Variants in IPO8 observed in about 807,000 individuals in gnomAD.
IPO8 encodes importin 8, also known as importin-8.
IPO8 carries 65 observed loss-of-function variants against 141.2 expected under a neutral mutation model. That is an observed-to-expected ratio of 0.46 (90% CI 0.38 to 0.57). The LOEUF (loss-of-function observed/expected upper bound fraction) is 0.57, where lower values mean the gene tolerates loss of function less well. Among genes scored for constraint, IPO8 ranks in the 20% least tolerant of loss-of-function variants. IPO8 has a pLI of 0.00. For missense variants in IPO8, 980 were observed against 1,246.8 expected (o/e 0.79, Z 3.22); for synonymous variants, 411 against 420.3 (o/e 0.98, Z 0.27).
In IPO8 at chr12:30,662,319, G is replaced by A. The variant is rs776557252; in HGVS notation, c.1755+8C>T. 97 of 1,604,986 alleles carry A rather than the reference G, an allele frequency of 6.0e-5. No homozygotes were observed. Among genetic ancestry groups the A allele is most frequent in the Middle Eastern group, 5.0e-4 (3 of 6,022 alleles). On this transcript the variant is annotated splice_region_variant and intron_variant, in intron 15 of 24. Coordinates refer to ENST00000256079, the MANE Select transcript of IPO8 (RefSeq NM_006390.4). ...AAACCAAATTAACATAAAACTGCCC[G>A]GTCTTACCAAGTGTTGGGTCATATC...
intron 2 of IPO8, chr12:30,688,495 AG>A (rs1198692047): frequency 1.6e-5 from 6 of 378,192 alleles, no homozygotes; most frequent in African/African-American, 1.3e-4. Context: ...TTTCTTTTAA[AG>A]CAAAAATCAC....
intron 16 of IPO8, among the ~76,000 whole-genome samples, chr12:30,658,133 G>A (rs1223455773): frequency 6.6e-6 from 1 of 152,218 alleles, no homozygotes; most frequent in Admixed American, 6.5e-5. Context: ...TTAAACTACT[G>A]TCTTAAGGTT....
At chr12:30,680,913 A>G (rs1591843451) in intron 4 of IPO8, among the ~76,000 whole-genome samples, 1 of 152,160 alleles carries the variant, frequency 6.6e-6, no homozygotes, top group Non-Finnish European at 1.5e-5. Flanking sequence ...GAATGTTTCT[A>G]GTATTTAAAT....
intron 20 of IPO8, among the ~76,000 whole-genome samples, chr12:30,642,754 G>C (rs552640246): frequency 6.6e-6 from 1 of 151,934 alleles, no homozygotes; most frequent in Admixed American, 6.6e-5. Context: ...CATTTCCCAG[G>C]CTAGGACGAG....
At chr12:30,680,752 C>T (rs1368527555) in intron 4 of IPO8, 114 bp from the exon 5 acceptor site, 2 of 809,460 alleles carry the variant, frequency 2.5e-6, no homozygotes, top group Non-Finnish European at 3.7e-6. Context: ...AAGTCATTAA[C>T]ATTGGCTTCT....
intron 17 of IPO8, among the ~76,000 whole-genome samples, chr12:30,655,015 C>T (rs754933310): frequency 1.3e-5 from 2 of 151,234 alleles, no homozygotes; most frequent in African/African-American, 2.4e-5. Context: ...AGTACCAGTC[C>T]ACCTTAAAAA....
At chr12:30,674,607 TGATACTGA>T in intron 7 of IPO8, 44 bp downstream of exon 7, 1 of 1,281,902 alleles carries the variant, frequency 7.8e-7, no homozygotes, top group Non-Finnish European at 1.1e-6. Flanking sequence ...TAATCATATC[TGATACTGA>T]GATACTGGCT....
rs150831235 is a variant in IPO8 at position 30,673,908 on chromosome 12, T to C, written c.909+82A>G. 2,165 of 782,418 alleles carry C rather than the reference T, an allele frequency of 2.8e-3. 35 individuals carry two copies. The African/African-American group carries it at 0.033, about 12-fold the overall frequency. 48.5% of individuals were successfully genotyped at this position (782,418 alleles called of 1,614,324 possible). On this transcript the variant is annotated intron_variant, in intron 8 of 24. Coordinates refer to ENST00000256079, the MANE Select transcript of IPO8 (RefSeq NM_006390.4). ...ATAAATATGTAATGAATTAGTATGT[T>C]TGTAACCTACTTCCAGTAGACAGAA...
At chr12:30,684,027 T>C (rs1447997919) in intron 3 of IPO8, among the ~76,000 whole-genome samples, 3 of 152,226 alleles carry the variant, frequency 2.0e-5, no homozygotes, top group Non-Finnish European at 4.4e-5. Flanking sequence ...GTAGCAAGAC[T>C]TACACAATTG....
intron 13 of IPO8, 99 bp from the exon 14 acceptor site, chr12:30,663,753 T>C: frequency 1.1e-6 from 1 of 929,388 alleles, no homozygotes; most frequent in Non-Finnish European, 1.5e-6. Flanking sequence ...ATCAATTCTA[T>C]GAAGAAATGT....
At chr12:30,679,994 T>C (rs553331158) in intron 5 of IPO8, among the ~76,000 whole-genome samples, 312 of 152,352 alleles carry the variant, frequency 2.0e-3, no homozygotes, top group African/African-American at 7.0e-3. Context: ...AGATTTTTTT[T>C]TTTTAGGCAG....
intron 18 of IPO8, 26 bp from the exon 19 acceptor site, chr12:30,652,315 A>G: frequency 7.8e-7 from 1 of 1,278,334 alleles, no homozygotes; most frequent in Non-Finnish European, 1.1e-6. Flanking sequence ...AATCCCAATG[A>G]GACTTGAGTG....
intron 22 of IPO8, among the ~76,000 whole-genome samples, chr12:30,635,380 T>C (rs1291110530): frequency 6.6e-6 from 1 of 152,108 alleles, no homozygotes; most frequent in Non-Finnish European, 1.5e-5. Flanking sequence ...GATTTAATCA[T>C]TCCGCATTAT....
intron 10 of IPO8, among the ~76,000 whole-genome samples, chr12:30,668,931 A>G (rs1015906530): frequency 2.6e-5 from 4 of 152,344 alleles, no homozygotes; most frequent in South Asian, 2.1e-4. Flanking sequence ...TCGCAACAGC[A>G]TAAGTAACAG....
intron 14 of IPO8, among the ~76,000 whole-genome samples, chr12:30,663,073 C>T (rs1464562841): frequency 6.6e-6 from 1 of 152,188 alleles, no homozygotes; most frequent in Non-Finnish European, 1.5e-5. Context: ...AGAAATACTA[C>T]TTGCTACTTT....
intron 21 of IPO8, among the ~76,000 whole-genome samples, chr12:30,637,608 A>G (rs2052520662): frequency 6.6e-6 from 1 of 152,216 alleles, no homozygotes; most frequent in South Asian, 2.1e-4. Flanking sequence ...TAATCTACCC[A>G]AACCCTAAGA....
chr12:30,658,345 C>T (rs1026802922), intron 16 of IPO8, among the ~76,000 whole-genome samples: 1 of 152,178 alleles, frequency 6.6e-6, no homozygotes. Flanking sequence ...AGCTCAAAAT[C>T]TTGGTCAAGA....
At position 30,630,936 on chromosome 12, in the gene IPO8, T is replaced by C. The variant is rs2052423141; in HGVS notation, c.3038A>G (p.Gln1013Arg). ...TVAEAKKKIEQQGGFTFENKG... is the reference protein window; with the variant it reads ...TVAEAKKKIERQGGFTFENKG... ...GTTTTCAAAGGTGAAGCCTCCCTGT[T>C]GTTCAATCTTCTTCTTTGCCTCTAG... Residue 1013 changes from glutamine (Q) to arginine (R), a missense_variant, in exon 25 of 25, where the codon CAA becomes CGA. This residue lies in a region of IPO8 where 924 missense variants were observed against 1,153.9 expected (regional missense o/e 0.80). Coordinates refer to ENST00000256079, the MANE Select transcript of IPO8 (RefSeq NM_006390.4). 1 of 1,613,414 alleles carries C rather than the reference T, an allele frequency of 6.2e-7. No homozygotes were observed. Among genetic ancestry groups the C allele is most frequent in the Admixed American group, 1.7e-5 (1 of 59,992 alleles).
chr12:30,671,636 T>A (rs1015825760), intron 8 of IPO8, among the ~76,000 whole-genome samples: 2 of 129,408 alleles, frequency 1.5e-5, no homozygotes, highest in African/African-American at 6.1e-5. Context: ...ATCGCGCCAC[T>A]GCACTCCAGC....
Sources: allele counts gnomAD v4.1 joint callset (sites outside exome capture counted in the v4.1 genomes callset), GRCh38; gene constraint gnomAD v4.1.1; regional missense constraint gnomAD v4.1.1; transcripts MANE v1.5; gene names NCBI Gene and HGNC (gene_info 2026-07-23, HGNC 2026-07-21).